Variants in PPARGC1A observed in about 807,000 individuals in gnomAD.
PPARGC1A encodes the protein PPARG coactivator 1 alpha, also known as peroxisome proliferator-activated receptor gamma coactivator 1-alpha.
Under a neutral mutation model 88.7 loss-of-function variants are expected in PPARGC1A, and 25 were observed. That is an observed-to-expected ratio of 0.28 (90% CI 0.21 to 0.39). PPARGC1A has a LOEUF of 0.39. PPARGC1A is among the 10% of genes least tolerant of loss of function. The probability of loss-of-function intolerance (pLI) is 1.00; values close to 1 mark genes in which losing one functional copy is unlikely to be tolerated. For synonymous variants in PPARGC1A, 363 were observed against 355.6 expected (o/e 1.02, Z -0.24); for missense variants, 880 against 968.7 (o/e 0.91, Z 1.22).
At chr4:24,412,534 G>T in the PPARGC1A span, among the ~76,000 whole-genome samples, 1 of 152,188 alleles carries the variant, frequency 6.6e-6, no homozygotes, top group Admixed American at 6.5e-5. Context: ...ATGCTGGAGT[G>T]CAATGGCTCA....
chr4:24,241,883 G>A, the PPARGC1A span, among the ~76,000 whole-genome samples: 1 of 152,208 alleles, frequency 6.6e-6, no homozygotes, highest in Non-Finnish European at 1.5e-5. Flanking sequence ...GCTTCTGTAT[G>A]TGGTTGAATA....
the PPARGC1A span, among the ~76,000 whole-genome samples, chr4:24,179,330 T>C: frequency 6.6e-6 from 1 of 152,150 alleles, no homozygotes; most frequent in African/African-American, 2.4e-5. Flanking sequence ...GTCCCCTTTA[T>C]CACGTAACTG....
the PPARGC1A span, among the ~76,000 whole-genome samples, chr4:24,113,113 T>C: frequency 1.3e-5 from 2 of 152,214 alleles, no homozygotes; most frequent in African/African-American, 4.8e-5. Context: ...TTACAATGAC[T>C]TGGGCATATA....
chr4:24,073,283 C>G, the PPARGC1A span, among the ~76,000 whole-genome samples: 1 of 152,086 alleles, frequency 6.6e-6, no homozygotes, highest in Admixed American at 6.6e-5. Context: ...ACCTTGTGAT[C>G]TGCCCGCCTC....
chr4:24,101,365 C>A, the PPARGC1A span, among the ~76,000 whole-genome samples: 3 of 152,166 alleles, frequency 2.0e-5, no homozygotes, highest in African/African-American at 7.2e-5. Context: ...GAACTGTGAG[C>A]CAATTAAACC....
intron 7 of PPARGC1A, among the ~76,000 whole-genome samples, chr4:23,817,937 A>T (rs1194646604): frequency 1.3e-5 from 2 of 152,284 alleles, no homozygotes; most frequent in Admixed American, 6.5e-5. Flanking sequence ...AGAGCTGCTG[A>T]TGAGACAGGC....
the PPARGC1A span, among the ~76,000 whole-genome samples, chr4:23,910,177 TAA>T: frequency 8.7e-6 from 1 of 114,356 alleles, no homozygotes; most frequent in African/African-American, 3.2e-5. Flanking sequence ...TAATATATAA[TAA>T]ATATATATAA....
intron 2 of PPARGC1A, among the ~76,000 whole-genome samples, chr4:23,851,337 A>G (rs1378766104): frequency 6.6e-6 from 1 of 152,200 alleles, no homozygotes; most frequent in Non-Finnish European, 1.5e-5. Context: ...AGACTGTATT[A>G]TCAGAACCAA....
the PPARGC1A span, among the ~76,000 whole-genome samples, chr4:24,035,319 C>A: frequency 1.3e-5 from 2 of 151,886 alleles, no homozygotes; most frequent in Non-Finnish European, 2.9e-5. Context: ...GCGGGCAGAT[C>A]CCTTGAGGTC....
At chr4:24,039,149 A>T in the PPARGC1A span, among the ~76,000 whole-genome samples, 3 of 152,204 alleles carry the variant, frequency 2.0e-5, no homozygotes, top group Non-Finnish European at 2.9e-5. Flanking sequence ...AATCATCGAC[A>T]AATCCCAAGT....
rs1034026124 is a variant in PPARGC1A at position 23,889,849 on chromosome 4, G to T, written c.54+55C>A. On this transcript the variant is annotated intron_variant, in intron 1 of 12. Coordinates refer to ENST00000264867, the MANE Select transcript of PPARGC1A (RefSeq NM_013261.5). ...CCCATCCCCCCTTACAGGAATAATA[G>T]CATCTGAGGGAAGCGTCAGTTGTGG... The T allele has an allele frequency of 1.9e-6, 3 of 1,593,022 alleles. No individual in the cohort carries two copies. The African/African-American group carries it at 4.0e-5, about 21-fold the overall frequency.
At chr4:24,074,200 A>G in the PPARGC1A span, among the ~76,000 whole-genome samples, 2 of 152,182 alleles carry the variant, frequency 1.3e-5, no homozygotes, top group South Asian at 2.1e-4. Context: ...CAGAAAGACG[A>G]GAGAAGATAC....
the PPARGC1A span, among the ~76,000 whole-genome samples, chr4:24,062,253 G>A: frequency 2.0e-5 from 3 of 152,198 alleles, no homozygotes; most frequent in African/African-American, 7.2e-5. Context: ...TGTAATACCT[G>A]CAGGATTCGG....
At chr4:24,329,884 A>G in the PPARGC1A span, among the ~76,000 whole-genome samples, 1 of 152,108 alleles carries the variant, frequency 6.6e-6, no homozygotes. Flanking sequence ...CTTCATCTTA[A>G]ATGTGCACAA....
At chr4:24,248,926 G>A in the PPARGC1A span, among the ~76,000 whole-genome samples, 8 of 152,278 alleles carry the variant, frequency 5.3e-5, no homozygotes, top group South Asian at 2.1e-4. Context: ...TGTTATTGCC[G>A]AGTAGAGTTG....
At chr4:24,283,250 C>A in the PPARGC1A span, among the ~76,000 whole-genome samples, 1 of 152,092 alleles carries the variant, frequency 6.6e-6, no homozygotes, top group Non-Finnish European at 1.5e-5. Context: ...CCACCCTATC[C>A]ATGTCGACCT....
intron 10 of PPARGC1A, among the ~76,000 whole-genome samples, chr4:23,809,884 C>T (rs1186285550): frequency 1.3e-5 from 2 of 152,052 alleles, no homozygotes; most frequent in Non-Finnish European, 2.9e-5. Flanking sequence ...AGGATGTTCT[C>T]CTTCATATAT....
chr4:24,194,654 ACACACACACACACAC>A, the PPARGC1A span, among the ~76,000 whole-genome samples: 15 of 19,274 alleles, frequency 7.8e-4, no homozygotes, highest in Admixed American at 1.4e-3. Flanking sequence ...ACACACACAC[ACACACACACACACAC>A]CCCCATCAAG....
At chr4:24,449,858 A>C in the PPARGC1A span, among the ~76,000 whole-genome samples, 1 of 152,194 alleles carries the variant, frequency 6.6e-6, no homozygotes, top group South Asian at 2.1e-4. Context: ...TTTTCTGAAG[A>C]ATCATGTTAT....
Sources: allele counts gnomAD v4.1 joint callset (sites outside exome capture counted in the v4.1 genomes callset), GRCh38; gene constraint gnomAD v4.1.1; transcripts MANE v1.5; gene names NCBI Gene and HGNC (gene_info 2026-07-23, HGNC 2026-07-21).